The following SHOC2 variants were observed in gnomAD, a reference collection of about 807,000 sequenced individuals.
SHOC2 encodes SHOC2 leucine rich repeat scaffold protein.
In SHOC2, 4 loss-of-function variants were observed where a neutral mutation model predicts 50.2. That is an observed-to-expected ratio of 0.08 (90% CI 0.04 to 0.18). The LOEUF (loss-of-function observed/expected upper bound fraction) is 0.18. Ranked by LOEUF, SHOC2 falls within the 10% of genes least tolerant of loss-of-function variation. SHOC2 has a pLI of 1.00. For synonymous variants in SHOC2, 218 were observed against 244.5 expected, an observed-to-expected ratio of 0.89 and a Z score of 1.01; for missense variants, 388 against 669.6, an observed-to-expected ratio of 0.58 and a Z score of 4.64.
At chr10:110,922,452 C>CTG (rs3028023) in intron 1 of SHOC2, among the ~76,000 whole-genome samples, 142,049 of 152,034 alleles carry the variant, frequency 0.93, 66,425 homozygotes, top group Admixed American at 0.96. Flanking sequence ...CTTCTTTAAA[C>CTG]TTCAGATATT....
intron 2 of SHOC2, among the ~76,000 whole-genome samples, chr10:110,981,874 T>TAC (rs550868257): frequency 0.084 from 435 of 5,152 alleles, 5 homozygotes; most frequent in African/African-American, 0.12. Flanking sequence ...TTATTTATTT[T>TAC]TTTAAGTTTT....
intron 1 of SHOC2, among the ~76,000 whole-genome samples, chr10:110,947,041 C>G (rs1185342028): frequency 6.6e-6 from 1 of 152,182 alleles, no homozygotes; most frequent in Non-Finnish European, 1.5e-5. Context: ...AGCATAGATA[C>G]AACAAATGAT....
At chr10:110,999,736 CAAAAAAAAAAAAAAA>C (rs145780250) in intron 3 of SHOC2, among the ~76,000 whole-genome samples, 1 of 81,690 alleles carries the variant, frequency 1.2e-5, no homozygotes, top group Non-Finnish European at 2.3e-5. Context: ...GACTCAGTCT[CAAAAAAAAAAAAAAA>C]AAAAAAAAGA....
chr10:110,925,001 G>T (rs916144584), intron 1 of SHOC2, among the ~76,000 whole-genome samples: 1 of 149,078 alleles, frequency 6.7e-6, no homozygotes, highest in African/African-American at 2.5e-5. Flanking sequence ...AACCCGGGAG[G>T]TGGAGGTTGC....
intron 4 of SHOC2, among the ~76,000 whole-genome samples, chr10:111,001,430 C>T (rs1049216081): frequency 1.3e-5 from 2 of 152,054 alleles, no homozygotes; most frequent in African/African-American, 4.8e-5. Context: ...GCTGAAATTA[C>T]AGGCGTGAGC....
At chr10:110,971,917 A>G (rs544726755) in intron 2 of SHOC2, among the ~76,000 whole-genome samples, 35 of 151,964 alleles carry the variant, frequency 2.3e-4, no homozygotes, top group African/African-American at 8.2e-4. Context: ...ATACATGTGT[A>G]TATAATTAAT....
At chr10:110,937,181 C>A in intron 1 of SHOC2, 1 of 1,539,674 alleles carries the variant, frequency 6.5e-7, no homozygotes, top group Non-Finnish European at 9.0e-7. Context: ...GGTCGCCAGG[C>A]GGCCCAGGAG....
At chr10:110,939,165 C>A (rs1023984316) in intron 1 of SHOC2, among the ~76,000 whole-genome samples, 2 of 152,048 alleles carry the variant, frequency 1.3e-5, no homozygotes, top group African/African-American at 4.8e-5. Flanking sequence ...TGGAACCAAA[C>A]CCTATAACTC....
intron 4 of SHOC2, among the ~76,000 whole-genome samples, chr10:111,002,521 C>T (rs1043329969): frequency 3.3e-5 from 5 of 152,086 alleles, no homozygotes; most frequent in African/African-American, 1.2e-4. Flanking sequence ...ACCACATATT[C>T]CCAAGGCTTG....
Position 110,927,143 on chromosome 10 carries a change from C to T in SHOC2, c.-235+7486C>T, listed in dbSNP as rs545050009. Among the ~76,000 whole-genome samples, 26 of 152,092 alleles carry T rather than the reference C, an allele frequency of 1.7e-4. 1 individual carries two copies. The highest frequency in any genetic ancestry group is 6.0e-4 in the African/African-American group (25 of 41,484). On this transcript the variant is annotated intron_variant, in intron 1 of 8. Transcript: ENST00000369452. ...AATTCCTTGGCATTGCCTGGTTAACCGGACTGGGAAAATTAGGTTGAAAGT... is the reference window on the plus strand; with the variant it reads ...AATTCCTTGGCATTGCCTGGTTAACTGGACTGGGAAAATTAGGTTGAAAGT...
At chr10:110,983,841 A>G (rs1848029491) in intron 2 of SHOC2, among the ~76,000 whole-genome samples, 1 of 152,200 alleles carries the variant, frequency 6.6e-6, no homozygotes, top group African/African-American at 2.4e-5. Flanking sequence ...TTTAGCACCT[A>G]TCAGAAATGT....
intron 2 of SHOC2, among the ~76,000 whole-genome samples, chr10:110,969,067 C>T (rs1029042379): frequency 6.6e-6 from 1 of 152,100 alleles, no homozygotes; most frequent in Non-Finnish European, 1.5e-5. Flanking sequence ...CTGTTCAGAG[C>T]CAGAGATCTA....
At chr10:110,983,623 A>G (rs539505761) in intron 2 of SHOC2, among the ~76,000 whole-genome samples, 11 of 152,232 alleles carry the variant, frequency 7.2e-5, no homozygotes, top group Non-Finnish European at 1.5e-4. Context: ...TCTCCAGAAC[A>G]TTTTCGTCAT....
intron 4 of SHOC2, among the ~76,000 whole-genome samples, chr10:111,002,812 C>G (rs749858679): frequency 6.6e-6 from 1 of 151,924 alleles, no homozygotes; most frequent in Non-Finnish European, 1.5e-5. Context: ...ACCCCTGCTT[C>G]ACAATGTGAC....
chr10:110,977,685 T>C (rs1847902409), intron 2 of SHOC2, among the ~76,000 whole-genome samples: 1 of 152,234 alleles, frequency 6.6e-6, no homozygotes, highest in Non-Finnish European at 1.5e-5. Flanking sequence ...AGTTTAATCC[T>C]TTCGTGGCTT....
chr10:110,950,684 C>T (rs11812855), intron 1 of SHOC2, among the ~76,000 whole-genome samples: 10,752 of 152,088 alleles, frequency 0.071, 498 homozygotes, highest in African/African-American at 0.14. Flanking sequence ...TAAAGACCAG[C>T]AGAACAGAAC....
At chr10:110,982,849 A>C (rs1466044497) in intron 2 of SHOC2, among the ~76,000 whole-genome samples, 1 of 152,160 alleles carries the variant, frequency 6.6e-6, no homozygotes. Context: ...AATACCTCAT[A>C]AAATGAGTTT....
intron 1 of SHOC2, among the ~76,000 whole-genome samples, chr10:110,939,361 G>A (rs997244548): frequency 1.3e-5 from 2 of 152,042 alleles, no homozygotes; most frequent in Non-Finnish European, 2.9e-5. Context: ...GGGACCATAA[G>A]CACGTGCCAC....
At chr10:110,971,564 A>AT (rs994156012) in intron 2 of SHOC2, among the ~76,000 whole-genome samples, 4 of 150,994 alleles carry the variant, frequency 2.6e-5, no homozygotes, top group Non-Finnish European at 4.4e-5. Context: ...GAACTTTAGG[A>AT]TTTTTTTTTC....
Sources: allele counts gnomAD v4.1 joint callset (sites outside exome capture counted in the v4.1 genomes callset), GRCh38; gene constraint gnomAD v4.1.1; transcripts MANE v1.5; gene names NCBI Gene and HGNC (gene_info 2026-07-23, HGNC 2026-07-21).